Variants in ACBD3 observed in about 807,000 individuals in gnomAD.
ACBD3 encodes the protein acyl-CoA binding domain containing 3, also known as Golgi resident protein GCP60.
Under a neutral mutation model 66.9 loss-of-function variants are expected in ACBD3, and 30 were observed. The observed-to-expected ratio is 0.45, with a 90% CI of 0.34 to 0.61. The LOEUF (loss-of-function observed/expected upper bound fraction) is 0.61. Ranked by LOEUF, ACBD3 falls within the 20% of genes least tolerant of loss-of-function variation. The pLI is 0.02. For synonymous variants in ACBD3, 278 were observed against 259.8 expected (o/e 1.07, Z -0.68); for missense variants, 544 against 664.5 (o/e 0.82, Z 1.99).
chr1:226,178,192 C>T (rs1030660128), intron 1 of ACBD3, among the ~76,000 whole-genome samples: 1 of 152,062 alleles, frequency 6.6e-6, no homozygotes, highest in Non-Finnish European at 1.5e-5. Context: ...CTTTACAGTT[C>T]AAATAGGACA....
At position 226,165,918 on chromosome 1, in the gene ACBD3, T is replaced by C. The variant is rs950561110; in HGVS notation, c.369A>G (p.Pro123=). Residue 123 remains proline, a synonymous_variant, in exon 2 of 8, where the codon CCA becomes CCG. Transcript: ENST00000366812. ...VALHKQVLMG[P]YNPDTCPEVG... ...CCTCAGGACAAGTGTCTGGATTATATGGGCCCATAAGAACTTGCTTATGCA... is the reference window on the plus strand; with the variant it reads ...CCTCAGGACAAGTGTCTGGATTATACGGGCCCATAAGAACTTGCTTATGCA... 6.2e-7 allele frequency: 1 copy of C among 1,613,814 alleles called. No homozygotes were observed. The highest frequency in any genetic ancestry group is 8.5e-7 in the Non-Finnish European group (1 of 1,179,926).
At chr1:226,185,620 T>TA (rs35485594) in intron 1 of ACBD3, among the ~76,000 whole-genome samples, 346 of 141,466 alleles carry the variant, frequency 2.4e-3, no homozygotes, top group Admixed American at 3.7e-3. Context: ...ATCACCCAAT[T>TA]AAAAAAAAAA....
rs1299926491 is a variant in ACBD3 at position 226,186,516 on chromosome 1, A to G, written c.160T>C (p.Ser54Pro). 78 of 1,411,654 alleles carry G rather than the reference A, an allele frequency of 5.5e-5. No homozygotes were observed. Among genetic ancestry groups the G allele is most frequent in the Non-Finnish European group, 6.2e-5 (68 of 1,088,778 alleles). 87.4% of individuals were successfully genotyped at this position (1,411,654 alleles called of 1,614,324 possible). The change falls in exon 1 of 8, where the codon TCA becomes CCA. Residue 54 changes from serine to proline, a missense_variant. Transcript: ENST00000366812. ...TCCCCGGGCTCGGGCTGCTCCCCTG[A>G]GGCGCCCGGGCCGCGACCGGATCCA... ...PPGSGRGPGASGEQPEPGEAA... is the reference protein window; with the variant it reads ...PPGSGRGPGAPGEQPEPGEAA...
At chr1:226,178,345 C>A (rs764176610) in intron 1 of ACBD3, among the ~76,000 whole-genome samples, 1 of 151,456 alleles carries the variant, frequency 6.6e-6, no homozygotes, top group Non-Finnish European at 1.5e-5. Flanking sequence ...CCAAGGTGGG[C>A]GGATCATCAG....
chr1:226,152,706 G>T (rs890551134), intron 6 of ACBD3, 87 bp from the exon 7 acceptor site: 3 of 1,311,852 alleles, frequency 2.3e-6, no homozygotes, highest in Non-Finnish European at 3.2e-6. Flanking sequence ...CTGATCAGTT[G>T]TACTCAGGCA....
At chr1:226,154,562 A>C in intron 6 of ACBD3, 85 bp downstream of exon 6, 1 of 1,441,360 alleles carries the variant, frequency 6.9e-7, no homozygotes, top group Admixed American at 2.3e-5. Flanking sequence ...TGTTCTCAAA[A>C]GCTAATTATA....
chr1:226,154,898 G>A (rs1659643974), intron 5 of ACBD3, 65 bp from the exon 6 acceptor site: 2 of 1,407,028 alleles, frequency 1.4e-6, no homozygotes, highest in African/African-American at 2.9e-5. Flanking sequence ...CATCTGCCCT[G>A]GAGTACATCT....
chr1:226,182,551 T>C (rs1576243328), intron 1 of ACBD3, among the ~76,000 whole-genome samples: 1 of 151,908 alleles, frequency 6.6e-6, no homozygotes, highest in Admixed American at 6.6e-5. Flanking sequence ...GAGGCAGAGG[T>C]TGCAGGGAGT....
Position 226,152,407 on chromosome 1 carries a change from A to C in ACBD3, c.1303T>G (p.Trp435Gly). 2 of 1,614,198 alleles carry C rather than the reference A, an allele frequency of 1.2e-6. No homozygotes were observed. Among genetic ancestry groups the C allele is most frequent in the Non-Finnish European group, 1.7e-6 (2 of 1,180,030 alleles). Residue 435 changes from tryptophan (W) to glycine (G), a missense_variant, in exon 7 of 8, where the codon TGG (tryptophan) becomes GGG (glycine). Transcript: ENST00000366812. ...YDIGFGVYFE[W>G]TDSPNTAVSV... The stretch of plus-strand genomic sequence containing the variant: ...ACAGCAGTGTTTGGAGAGTCTGTCC[A>C]TTCAAAATACACCCCAAACCCAATG...
chr1:226,186,613 C>T lies in ACBD3; in HGVS notation c.63G>A (p.Pro21=), dbSNP rs1330161156. The change falls in exon 1 of 8, where the codon CCG becomes CCA. Residue 21 remains proline (P), a synonymous_variant. Transcript: ENST00000366812. ...EVSVDGLTLS[P]DPEERPGAEG... ...CCGCCCCAGGCCGCTCCTCCGGGTC[C>T]GGGCTGAGCGTGAGGCCGTCGACGG... 1.3e-6 allele frequency: 2 copies of T among 1,488,784 alleles called. No individual in the cohort carries two copies. Among genetic ancestry groups the T allele is most frequent in the African/African-American group, 1.4e-5 (1 of 69,370 alleles). The allele number at this position is 1,488,784 out of a possible 1,614,324, so 92.2% of individuals were successfully genotyped here.
chr1:226,178,432 G>A (rs957704914), intron 1 of ACBD3, among the ~76,000 whole-genome samples: 3 of 151,772 alleles, frequency 2.0e-5, no homozygotes, highest in East Asian at 1.9e-4. Context: ...AAAATTAGCC[G>A]GGCATGGTGG....
Position 226,146,303 on chromosome 1 carries a change from G to T in ACBD3, c.*307C>A. On this transcript the variant is annotated 3_prime_UTR_variant, in exon 8 of 8. Transcript: ENST00000366812. ...TAACCATCAGCCGGGTAAGGTCAAC[G>T]TTGGGGTGTTTTATTTTGGAGACTT... is the stretch of plus-strand genomic sequence containing the variant. 1 of 274,894 alleles carries T rather than the reference G, an allele frequency of 3.6e-6. No individual in the cohort carries two copies. The highest frequency in any genetic ancestry group is 7.0e-6 in the Non-Finnish European group (1 of 143,364). 17.0% of individuals were successfully genotyped at this position (274,894 alleles called of 1,614,324 possible).
At chr1:226,179,361 G>A (rs928072718) in intron 1 of ACBD3, among the ~76,000 whole-genome samples, 3 of 152,134 alleles carry the variant, frequency 2.0e-5, no homozygotes, top group Admixed American at 6.5e-5. Flanking sequence ...CCTAAAGGAT[G>A]ATGCCTCAAA....
intron 1 of ACBD3, among the ~76,000 whole-genome samples, chr1:226,168,766 A>C (rs1358270560): frequency 6.6e-6 from 1 of 152,096 alleles, no homozygotes; most frequent in East Asian, 1.9e-4. Context: ...GATGACATTA[A>C]TCATCAAATA....
intron 7 of ACBD3, among the ~76,000 whole-genome samples, chr1:226,151,906 C>T (rs1659579793): frequency 6.6e-6 from 1 of 152,006 alleles, no homozygotes; most frequent in Admixed American, 6.6e-5. Flanking sequence ...ACTCAGGAGG[C>T]TGAGGCAGGA....
In ACBD3 at chr1:226,152,574, T is replaced by C. The variant is rs970932816; in HGVS notation, c.1136A>G (p.Gln379Arg). Reference sequence around the variant, plus strand: ...AATCTTCTCTTTGAAGTCTTTGATCTGAGGTCGTGTCCACATGGATGGAGC... The same window carrying C: ...AATCTTCTCTTTGAAGTCTTTGATCCGAGGTCGTGTCCACATGGATGGAGC... Reference protein sequence around the residue: ...IAAPSMWTRPQIKDFKEKIQQ... With the variant: ...IAAPSMWTRPRIKDFKEKIQQ... Residue 379 changes from glutamine (Q) to arginine (R), a missense_variant, in exon 7 of 8, where the codon CAG becomes CGG. Transcript: ENST00000366812. 42 of 1,614,104 alleles carry C rather than the reference T, an allele frequency of 2.6e-5. No individual in the cohort carries two copies. The highest frequency in any genetic ancestry group is 3.3e-5 in the Non-Finnish European group (39 of 1,180,058).
intron 1 of ACBD3, among the ~76,000 whole-genome samples, chr1:226,167,584 G>A (rs554463886): frequency 2.0e-5 from 3 of 152,302 alleles, no homozygotes; most frequent in Admixed American, 1.3e-4. Flanking sequence ...AATATTCAGA[G>A]AACAGTTCCA....
intron 7 of ACBD3, among the ~76,000 whole-genome samples, chr1:226,151,571 G>A (rs1456136322): frequency 6.6e-6 from 1 of 152,084 alleles, no homozygotes; most frequent in Non-Finnish European, 1.5e-5. Context: ...AAAAATAATT[G>A]AAATTTTTTT....
intron 1 of ACBD3, among the ~76,000 whole-genome samples, chr1:226,178,566 C>T (rs544441590): frequency 8.0e-3 from 371 of 46,228 alleles, no homozygotes; most frequent in African/African-American, 0.033. Flanking sequence ...CAGAGCAAGA[C>T]TCCGTCTCAA....
Sources: gnomAD v4.1 joint callset for allele counts (sites outside exome capture counted in the v4.1 genomes callset) on GRCh38, gnomAD v4.1.1 for gene constraint, MANE v1.5 for transcripts, NCBI Gene and HGNC (gene_info 2026-07-23, HGNC 2026-07-21) for gene names.